PPP1R9A: variants seen among roughly 807,000 people sequenced by gnomAD.
PPP1R9A encodes neurabin-1.
A neutral mutation model predicts 141.9 loss-of-function variants in PPP1R9A; 59 were observed. The ratio of observed to expected loss-of-function variants is 0.42; its 90% confidence interval spans 0.34 to 0.52. The LOEUF (loss-of-function observed/expected upper bound fraction) is 0.52, where lower values mean the gene tolerates loss of function less well. Ranked by LOEUF, PPP1R9A falls within the 20% of genes least tolerant of loss-of-function variation. The pLI, the probability that PPP1R9A is intolerant of heterozygous loss-of-function variation, is 0.10. For missense variants in PPP1R9A, 1,444 were observed against 1,611.9 expected (o/e 0.90, Z 1.78); for synonymous variants, 500 against 569.7 (o/e 0.88, Z 1.74).
At chr7:95,041,117 G>T (rs529348576) in intron 2 of PPP1R9A, among the ~76,000 whole-genome samples, 3 of 152,158 alleles carry the variant, frequency 2.0e-5, no homozygotes, top group Non-Finnish European at 4.4e-5. Flanking sequence ...AAGGAAGAAC[G>T]TGAACATTTG....
At chr7:95,169,589 A>G (rs1184400858) in intron 5 of PPP1R9A, among the ~76,000 whole-genome samples, 2 of 151,884 alleles carry the variant, frequency 1.3e-5, no homozygotes, top group Admixed American at 1.3e-4. Flanking sequence ...GACTCCAGAT[A>G]CCCTGATTTG....
chr7:95,165,055 A>G (rs143115978), intron 5 of PPP1R9A, among the ~76,000 whole-genome samples: 34 of 152,274 alleles, frequency 2.2e-4, no homozygotes, highest in African/African-American at 7.9e-4. Context: ...CAGTTCAAAT[A>G]TCAATTCTTC....
intron 7 of PPP1R9A, among the ~76,000 whole-genome samples, chr7:95,218,341 T>C (rs1049236676): frequency 2.6e-5 from 4 of 152,170 alleles, no homozygotes; most frequent in African/African-American, 9.7e-5. Context: ...GACAGTTTGT[T>C]ATAATTTCTG....
At chr7:95,249,970 G>T (rs1353690865) in intron 9 of PPP1R9A, 56 bp from the exon 10 acceptor site, 3 of 1,486,428 alleles carry the variant, frequency 2.0e-6, no homozygotes, top group East Asian at 4.8e-5. Flanking sequence ...AAAAATGAGA[G>T]ATTTTTGCCA....
chr7:95,039,639 A>G (rs1176139842), intron 2 of PPP1R9A, among the ~76,000 whole-genome samples: 2 of 152,106 alleles, frequency 1.3e-5, no homozygotes, highest in Non-Finnish European at 2.9e-5. Flanking sequence ...CAGTGTATCA[A>G]TAGACTTGAT....
At chr7:95,215,210 A>G (rs1021148645) in intron 7 of PPP1R9A, among the ~76,000 whole-genome samples, 7 of 145,692 alleles carry the variant, frequency 4.8e-5, no homozygotes, top group African/African-American at 1.8e-4. Context: ...TATGAATGAG[A>G]ACATGCGGTG....
chr7:94,967,446 G>C (rs998033389), intron 2 of PPP1R9A, among the ~76,000 whole-genome samples: 1 of 151,884 alleles, frequency 6.6e-6, no homozygotes, highest in African/African-American at 2.4e-5. Flanking sequence ...TTCTCTTGTG[G>C]GCATTTAGTG....
At chr7:95,209,824 G>A (rs990174704) in intron 7 of PPP1R9A, among the ~76,000 whole-genome samples, 20 of 152,022 alleles carry the variant, frequency 1.3e-4, no homozygotes, top group African/African-American at 4.6e-4. Context: ...TACAATTATA[G>A]AATTACTAAA....
In PPP1R9A at chr7:95,287,248, T is replaced by C. The variant is rs1805523784; in HGVS notation, c.3729+923T>C. 1.0e-5 allele frequency: 13 copies of C among 1,302,680 alleles called. 1 individual carries two copies. In the South Asian group the frequency reaches 1.4e-4, roughly 14 times the overall value. 80.7% of individuals were successfully genotyped at this position (1,302,680 alleles called of 1,614,324 possible). ...AATACAAGAATATCTTCCTCTGTAG[T>C]GAAGGGTTTCCTTGTGTTAAATAGC... On this transcript the variant is annotated intron_variant, in intron 18 of 19. Transcript: ENST00000433360.
chr7:95,211,144 A>G (rs199663212), intron 7 of PPP1R9A, among the ~76,000 whole-genome samples: 1 of 51,788 alleles, frequency 1.9e-5, no homozygotes, highest in South Asian at 8.9e-4. Flanking sequence ...CTTAAAGTAT[A>G]AAAAAAAAAA....
At chr7:94,955,366 T>A (rs542935121) in intron 2 of PPP1R9A, among the ~76,000 whole-genome samples, 1 of 152,294 alleles carries the variant, frequency 6.6e-6, no homozygotes, top group Non-Finnish European at 1.5e-5. Flanking sequence ...TGCTTTGTTT[T>A]ATCCATACTC....
intron 2 of PPP1R9A, among the ~76,000 whole-genome samples, chr7:94,966,164 G>A (rs774369901): frequency 3.3e-5 from 5 of 152,162 alleles, no homozygotes; most frequent in Admixed American, 6.5e-5. Context: ...TTTGCACATT[G>A]ATTTTTTTAT....
intron 7 of PPP1R9A, among the ~76,000 whole-genome samples, chr7:95,204,971 AC>A (rs1278259609): frequency 7.0e-6 from 1 of 142,542 alleles, no homozygotes; most frequent in Non-Finnish European, 1.5e-5. Flanking sequence ...CACCACACAT[AC>A]CCACACACAC....
At chr7:95,243,785 C>A (rs1025211787) in intron 8 of PPP1R9A, among the ~76,000 whole-genome samples, 16 of 151,972 alleles carry the variant, frequency 1.1e-4, no homozygotes, top group Admixed American at 8.5e-4. Context: ...AACACCTGCC[C>A]TGCCTCCCCC....
intron 2 of PPP1R9A, among the ~76,000 whole-genome samples, chr7:95,078,626 T>A (rs1815255625): frequency 6.6e-6 from 1 of 152,196 alleles, no homozygotes; most frequent in Admixed American, 6.5e-5. Context: ...TTTCTCCACA[T>A]CCTCTCCAGC....
At chr7:95,202,523 G>GTTTT (rs397726950) in intron 6 of PPP1R9A, 3 of 593,152 alleles carry the variant, frequency 5.1e-6, no homozygotes, top group African/African-American at 2.1e-5. Flanking sequence ...TTGATCACTT[G>GTTTT]TTTTTTTTTT....
chr7:95,238,100 TA>T (rs1213993551), intron 8 of PPP1R9A, among the ~76,000 whole-genome samples: 1 of 152,176 alleles, frequency 6.6e-6, no homozygotes, highest in Non-Finnish European at 1.5e-5. Flanking sequence ...TTTAACAAAA[TA>T]ATACCCATAG....
chr7:95,023,831 C>A (rs11972632), intron 2 of PPP1R9A, among the ~76,000 whole-genome samples: 2,040 of 152,236 alleles, frequency 0.013, 50 homozygotes, highest in African/African-American at 0.047. Context: ...GGATTACAGG[C>A]GTGAGCCACC....
rs1319865297 is a variant in PPP1R9A at position 95,269,204 on chromosome 7, C to G, written c.2824-3C>G. The G allele has an allele frequency of 5.3e-6, 8 of 1,519,828 alleles. No homozygotes were observed. The highest frequency in any genetic ancestry group is 6.3e-6 in the Non-Finnish European group (7 of 1,110,876). The allele number at this position is 1,519,828 out of a possible 1,614,324, so 94.1% of individuals were successfully genotyped here. A position where few individuals can be genotyped will look rare whatever the true frequency, so the allele number is the denominator to read the frequency against. On this transcript the variant is annotated splice_polypyrimidine_tract_variant and splice_region_variant and intron_variant, in intron 13 of 19. Coordinates refer to ENST00000433360, the MANE Select transcript of PPP1R9A (RefSeq NM_001166160.2). ...CCTTCCTTATAATCTCTTATACCAACAGCCATCAAACAGTTTCTATAACCA... is the reference window on the plus strand; with the variant it reads ...CCTTCCTTATAATCTCTTATACCAAGAGCCATCAAACAGTTTCTATAACCA...
Sources: gnomAD v4.1 joint callset for allele counts (sites outside exome capture counted in the v4.1 genomes callset) on GRCh38, gnomAD v4.1.1 for gene constraint, MANE v1.5 for transcripts, NCBI Gene and HGNC (gene_info 2026-07-23, HGNC 2026-07-21) for gene names.